Variants in EPB41L4A observed in about 807,000 individuals in gnomAD.
EPB41L4A encodes erythrocyte membrane protein band 4.1 like 4A.
In EPB41L4A, 100 loss-of-function variants were observed where a neutral mutation model predicts 108.6. That is an observed-to-expected ratio of 0.92 (90% CI 0.78 to 1.09). The LOEUF (loss-of-function observed/expected upper bound fraction) is 1.09. EPB41L4A is among the 50% of genes least tolerant of loss of function. EPB41L4A has a pLI of 0.00. For missense variants in EPB41L4A, 1,030 were observed against 842.7 expected (o/e 1.22, Z -2.75); for synonymous variants, 319 against 289.0 (o/e 1.10, Z -1.05).
chr5:112,192,620 A>T (rs968197392), intron 17 of EPB41L4A, among the ~76,000 whole-genome samples: 1 of 152,210 alleles, frequency 6.6e-6, no homozygotes, highest in Non-Finnish European at 1.5e-5. Flanking sequence ...TCCAGGAAAA[A>T]GGGGGAAGAA....
At chr5:112,237,089 C>A (rs1749393026) in intron 11 of EPB41L4A, among the ~76,000 whole-genome samples, 1 of 152,104 alleles carries the variant, frequency 6.6e-6, no homozygotes, top group South Asian at 2.1e-4. Flanking sequence ...ACTCATTAAT[C>A]AAAACTAGGA....
intron 1 of EPB41L4A, among the ~76,000 whole-genome samples, chr5:112,386,643 T>C (rs1760549691): frequency 1.3e-5 from 2 of 152,122 alleles, no homozygotes; most frequent in African/African-American, 4.8e-5. Context: ...TAGAAGAAAG[T>C]TTTAAATGAA....
In EPB41L4A at chr5:112,184,066, T is replaced by A. The variant is rs748773748; in HGVS notation, c.1572A>T (p.Glu524Asp). 6.2e-7 allele frequency: 1 copy of A among 1,613,972 alleles called. No homozygotes were observed. The highest frequency in any genetic ancestry group is 1.3e-5 in the African/African-American group (1 of 74,932). ...QWEAVLRRQK[E>D]KNQADPNNRR... ...TGTTGTTGGGGTCGGCTTGGTTTTT[T>A]TCCTTTTGTCTCCTTAATACAGCTT... Residue 524 changes from glutamate (E) to aspartate (D), a missense_variant, in exon 18 of 23, where the codon GAA becomes GAT. Glu to Asp is a conservative substitution (Grantham distance 45). Coordinates refer to ENST00000261486, the MANE Select transcript of EPB41L4A (RefSeq NM_022140.5).
chr5:112,381,078 G>T (rs887772821), intron 1 of EPB41L4A, among the ~76,000 whole-genome samples: 10 of 152,170 alleles, frequency 6.6e-5, no homozygotes, highest in African/African-American at 2.4e-4. Flanking sequence ...CAGAGAGCGT[G>T]AGGCGGCTAT....
chr5:112,310,015 G>A (rs1754947975), intron 1 of EPB41L4A, among the ~76,000 whole-genome samples: 1 of 152,200 alleles, frequency 6.6e-6, no homozygotes, highest in South Asian at 2.1e-4. Context: ...CCTCAGATAA[G>A]TGCTCAGCTG....
intron 1 of EPB41L4A, among the ~76,000 whole-genome samples, chr5:112,359,999 T>A (rs2150755854): frequency 6.6e-6 from 1 of 152,336 alleles, no homozygotes; most frequent in Non-Finnish European, 1.5e-5. Context: ...TTTTTCATTT[T>A]AAAAAATATT....
intron 9 of EPB41L4A, among the ~76,000 whole-genome samples, chr5:112,244,488 A>C (rs1187129354): frequency 2.0e-5 from 3 of 152,050 alleles, no homozygotes; most frequent in Admixed American, 6.5e-5. Flanking sequence ...TCCCTGAGAA[A>C]GAGAAAGAGA....
rs988669424 is a variant in EPB41L4A at position 112,398,199 on chromosome 5, C to T, written c.99+20742G>A. ...CATTCAATGTGTAACAATAATCATT[C>T]AATATATTAAAAAAAAATCTTTTTC... On this transcript the variant is annotated intron_variant, in intron 1 of 22. Coordinates refer to ENST00000261486, the MANE Select transcript of EPB41L4A (RefSeq NM_022140.5). 2.0e-5 allele frequency among the ~76,000 whole-genome samples: 3 copies of T among 152,064 alleles called. No individual in the cohort carries two copies. In the South Asian group the frequency reaches 6.2e-4, roughly 32 times the overall value.
chr5:112,193,200 G>A (rs370535972), intron 17 of EPB41L4A, among the ~76,000 whole-genome samples: 2 of 152,188 alleles, frequency 1.3e-5, no homozygotes, highest in East Asian at 3.9e-4. Flanking sequence ...GTAGTTAGAG[G>A]ATCACTGATT....
At chr5:112,171,929 T>A (rs1292752037) in intron 18 of EPB41L4A, among the ~76,000 whole-genome samples, 1 of 135,576 alleles carries the variant, frequency 7.4e-6, no homozygotes, top group Non-Finnish European at 1.5e-5. Flanking sequence ...GGGGGCTCAA[T>A]AATGCTTTTA....
At chr5:112,284,632 A>C (rs1354703922) in intron 2 of EPB41L4A, among the ~76,000 whole-genome samples, 3 of 152,160 alleles carry the variant, frequency 2.0e-5, no homozygotes, top group African/African-American at 7.2e-5. Flanking sequence ...ATGAACCCAA[A>C]CAGACCCTGC....
intron 1 of EPB41L4A, among the ~76,000 whole-genome samples, chr5:112,402,617 C>T (rs758471753): frequency 7.2e-5 from 11 of 152,146 alleles, no homozygotes; most frequent in Admixed American, 2.6e-4. Context: ...GAAGACTCGG[C>T]ACTACAGACA....
intron 1 of EPB41L4A, among the ~76,000 whole-genome samples, chr5:112,382,266 A>G (rs889453655): frequency 2.0e-4 from 30 of 152,190 alleles, no homozygotes; most frequent in African/African-American, 7.0e-4. Flanking sequence ...ACATCATTCG[A>G]AAGTTCTAAC....
chr5:112,334,731 A>T (rs1896621), intron 1 of EPB41L4A, among the ~76,000 whole-genome samples: 20,600 of 152,136 alleles, frequency 0.14, 1,529 homozygotes, highest in African/African-American at 0.16. Context: ...TATAAAACCA[A>T]GCTGTAACCC....
intron 1 of EPB41L4A, among the ~76,000 whole-genome samples, chr5:112,408,337 G>C (rs1002148194): frequency 6.6e-6 from 1 of 151,904 alleles, no homozygotes; most frequent in Non-Finnish European, 1.5e-5. Context: ...AAGCAACATA[G>C]GAAAAAATAT....
chr5:112,232,113 C>CA (rs1177398319), intron 12 of EPB41L4A, among the ~76,000 whole-genome samples: 4,018 of 87,616 alleles, frequency 0.046, 109 homozygotes, highest in Non-Finnish European at 0.064. Flanking sequence ...AACCTTGTCT[C>CA]AAAAAAAAAA....
intron 1 of EPB41L4A, among the ~76,000 whole-genome samples, chr5:112,378,102 G>T (rs1759936285): frequency 6.6e-6 from 1 of 152,172 alleles, no homozygotes; most frequent in African/African-American, 2.4e-5. Flanking sequence ...CATCTGCACG[G>T]AGAAATTTAT....
intron 2 of EPB41L4A, among the ~76,000 whole-genome samples, chr5:112,287,447 C>T (rs1026164876): frequency 6.6e-6 from 1 of 152,200 alleles, no homozygotes; most frequent in Non-Finnish European, 1.5e-5. Context: ...CTCTCAGGTC[C>T]AAGCAGCCAT....
chr5:112,302,996 G>C (rs1258920364), intron 2 of EPB41L4A, among the ~76,000 whole-genome samples: 1 of 152,092 alleles, frequency 6.6e-6, no homozygotes, highest in African/African-American at 2.4e-5. Context: ...AAGTCAAAGG[G>C]TTACCTAAGA....
Sources: allele counts gnomAD v4.1 joint callset (sites outside exome capture counted in the v4.1 genomes callset), GRCh38; gene constraint gnomAD v4.1.1; transcripts MANE v1.5; gene names NCBI Gene and HGNC (gene_info 2026-07-23, HGNC 2026-07-21).